The following ZP2 variants were observed in gnomAD, a reference collection of about 807,000 sequenced individuals.
ZP2 encodes zona pellucida glycoprotein 2.
A neutral mutation model predicts 84.0 loss-of-function variants in ZP2; 51 were observed. That is an observed-to-expected ratio of 0.61 (90% CI 0.49 to 0.77). The LOEUF is 0.77. Among genes scored for constraint, ZP2 ranks in the 30% least tolerant of loss-of-function variants. The pLI is 0.00. For missense variants in ZP2, 909 were observed against 911.9 expected, an observed-to-expected ratio of 1.00 and a Z score of 0.04; for synonymous variants, 375 against 330.9, an observed-to-expected ratio of 1.13 and a Z score of -1.45.
At chr16:21,199,475 A>C in intron 16 of ZP2, 95 bp downstream of exon 16, 1 of 1,128,178 alleles carries the variant, frequency 8.9e-7, no homozygotes, top group Non-Finnish European at 1.2e-6. Context: ...CAGTAAATAA[A>C]GTATGAGTTA....
At chr16:21,205,857 G>T in intron 5 of ZP2, 82 bp from the exon 6 acceptor site, 1 of 1,452,128 alleles carries the variant, frequency 6.9e-7, no homozygotes, top group Non-Finnish European at 9.6e-7. Flanking sequence ...CTGTGTGGTT[G>T]TCATACCAAA....
At position 21,202,002 on chromosome 16, in the gene ZP2, A is replaced by G; in HGVS notation, c.1309T>C (p.Tyr437His). Residue 437 changes from tyrosine to histidine, a missense_variant, in exon 12 of 19, where the codon TAT becomes CAT. Coordinates refer to ENST00000574091, the MANE Select transcript of ZP2 (RefSeq NM_001376232.1). ...CAGAGAGCATGTATTTCGTTTTCAT[A>G]GACGACTTTATCATCTTCGAACTTA... ...RYKFEDDKVVYENEIHALWTD... is the reference protein window; with the variant it reads ...RYKFEDDKVVHENEIHALWTD... The G allele has an allele frequency of 1.9e-6, 3 of 1,614,102 alleles. No homozygotes were observed. The highest frequency in any genetic ancestry group is 1.1e-5 in the South Asian group (1 of 91,054).
chr16:21,198,816 T>G lies in ZP2; in HGVS notation c.1974A>C (p.Gly658=). 1 of 1,614,092 alleles carries G rather than the reference T, an allele frequency of 6.2e-7. No individual in the cohort carries two copies. Among genetic ancestry groups the G allele is most frequent in the Non-Finnish European group, 8.5e-7 (1 of 1,179,998 alleles). Residue 658 remains glycine (G), a synonymous_variant, in exon 17 of 19, where the codon GGA becomes GGC. Coordinates refer to ENST00000574091, the MANE Select transcript of ZP2 (RefSeq NM_001376232.1). Reference sequence around the variant, plus strand: ...AGTCATCTGACAACAGGAGAATGGGTCCTGGGAGGCTGACTGTCATTTTCT... The same window carrying G: ...AGTCATCTGACAACAGGAGAATGGGGCCTGGGAGGCTGACTGTCATTTTCT... ...EAEKMTVSLP[G]PILLLSDDSS...
Position 21,204,374 on chromosome 16 carries a change from G to T in ZP2, c.724C>A (p.Leu242Met), listed in dbSNP as rs1447166856. The T allele has an allele frequency of 1.9e-6, 3 of 1,614,062 alleles. No individual in the cohort carries two copies. The highest frequency in any genetic ancestry group is 2.5e-6 in the Non-Finnish European group (3 of 1,179,944). ...CCAGGAGATATAAATGTAAGCTTCA[G>T]AGACACCATGTAGAGATGACTGTTA... ...QGNSHLYMVSLKLTFISPGQK... is the reference protein window; with the variant it reads ...QGNSHLYMVSMKLTFISPGQK... Residue 242 changes from leucine (L) to methionine (M), a missense_variant, in exon 8 of 19, where the codon CTG becomes ATG. Coordinates refer to ENST00000574091, the MANE Select transcript of ZP2 (RefSeq NM_001376232.1).
intron 4 of ZP2, among the ~76,000 whole-genome samples, chr16:21,207,966 T>C (rs1179008806): frequency 6.6e-6 from 1 of 151,824 alleles, no homozygotes; most frequent in African/African-American, 2.4e-5. Flanking sequence ...ATGCCTATAA[T>C]CCCAGTGCTT....
At position 21,206,913 on chromosome 16, in the gene ZP2, G is replaced by A; in HGVS notation, c.408C>T (p.Phe136=). 2 of 1,614,172 alleles carry A rather than the reference G, an allele frequency of 1.2e-6. No homozygotes were observed. Among genetic ancestry groups the A allele is most frequent in the Non-Finnish European group, 1.7e-6 (2 of 1,180,008 alleles). The change falls in exon 5 of 19, where the codon TTC becomes TTT. Residue 136 remains phenylalanine, a synonymous_variant. Coordinates refer to ENST00000574091, the MANE Select transcript of ZP2 (RefSeq NM_001376232.1). The part of the protein sequence containing the change: ...ALRHGAVMYQ[F]FCPAMQVEET... ...CTTCTACTTGCATAGCTGGACAGAA[G>A]AACTGATACATGACAGCTCCGTGTC...
At position 21,199,910 on chromosome 16, in the gene ZP2, T is replaced by C. The variant is rs563783538; in HGVS notation, c.1695-32A>G. 16 of 1,610,020 alleles carry C rather than the reference T, an allele frequency of 9.9e-6. No homozygotes were observed. In the East Asian group the frequency reaches 3.3e-4, roughly 34 times the overall value. Reference sequence around the variant, plus strand: ...GGTATGCACCAGGGAGGGATGTCAGTCATATGCATCTTGGAGTCAAATTCA... The same window carrying C: ...GGTATGCACCAGGGAGGGATGTCAGCCATATGCATCTTGGAGTCAAATTCA... On this transcript the variant is annotated intron_variant, in intron 14 of 18. Coordinates refer to ENST00000574091, the MANE Select transcript of ZP2 (RefSeq NM_001376232.1).
rs774420916 is a variant in ZP2 at position 21,204,391 on chromosome 16, T to A, written c.707A>T (p.His236Leu). ...AAGCTTCAGAGACACCATGTAGAGA[T>A]GACTGTTACCTTGCTAGGGGGAGAA... ...GVTHYVQGNS[H>L]LYMVSLKLTF... Residue 236 changes from histidine to leucine, a missense_variant, in exon 8 of 19, where the codon CAT becomes CTT. Coordinates refer to ENST00000574091, the MANE Select transcript of ZP2 (RefSeq NM_001376232.1). The A allele has an allele frequency of 1.9e-6, 3 of 1,613,856 alleles. No individual in the cohort carries two copies. Among genetic ancestry groups the A allele is most frequent in the Non-Finnish European group, 2.5e-6 (3 of 1,179,828 alleles).
At chr16:21,202,895 A>G (rs1391072766) in intron 10 of ZP2, among the ~76,000 whole-genome samples, 1 of 152,192 alleles carries the variant, frequency 6.6e-6, no homozygotes, top group South Asian at 2.1e-4. Flanking sequence ...CAAAATATCT[A>G]GATTGTTTAA....
chr16:21,214,003 C>T (rs773278413), upstream of ZP2, among the ~76,000 whole-genome samples: 17 of 151,916 alleles, frequency 1.1e-4, no homozygotes, highest in East Asian at 3.9e-4. Context: ...TCAGACCCCA[C>T]CTCCCTTCCC....
intron 2 of ZP2, 72 bp from the exon 3 acceptor site, chr16:21,210,264 C>T (rs2093268763): frequency 8.3e-7 from 1 of 1,200,472 alleles, no homozygotes; most frequent in Non-Finnish European, 1.2e-6. Context: ...TGTATAGACT[C>T]CTCTCAGATG....
At chr16:21,211,834 G>A, upstream of ZP2, 2 of 1,331,302 alleles carry the variant, frequency 1.5e-6, no homozygotes, top group Non-Finnish European at 2.0e-6. Context: ...GGGGAAATTA[G>A]GATCTTTTGG....
intron 4 of ZP2, among the ~76,000 whole-genome samples, chr16:21,207,309 T>C (rs1371195451): frequency 3.3e-5 from 5 of 152,128 alleles, no homozygotes; most frequent in Non-Finnish European, 7.3e-5. Context: ...TGAATACTTG[T>C]TAAGCACCTA....
upstream of ZP2, among the ~76,000 whole-genome samples, chr16:21,212,353 C>T (rs1597593185): frequency 6.6e-6 from 1 of 152,202 alleles, no homozygotes; most frequent in Non-Finnish European, 1.5e-5. Flanking sequence ...TTAAGCTTAC[C>T]GCAAAGATAC....
Position 21,203,161 on chromosome 16 carries a change from A to G in ZP2, c.1063T>C (p.Tyr355His). 1 of 1,614,012 alleles carries G rather than the reference A, an allele frequency of 6.2e-7. No homozygotes were observed. Among genetic ancestry groups the G allele is most frequent in the Non-Finnish European group, 8.5e-7 (1 of 1,179,926 alleles). The change falls in exon 10 of 19, where the codon TAT becomes CAT. Residue 355 changes from tyrosine (Y) to histidine (H), a missense_variant. Transcript: ENST00000574091. ...GGTGACTCACAGAGACACTCAGGAT[A>G]GATCACCATGGATACTGTCTCTGGC... ...LRPETVSMVI[Y>H]PECLCESPVS...
At chr16:21,203,749 A>G in intron 9 of ZP2, 1 of 493,248 alleles carries the variant, frequency 2.0e-6, no homozygotes, top group Non-Finnish European at 3.7e-6. Flanking sequence ...TTTGACAAGT[A>G]GTTGCTACTA....
At position 21,202,295 on chromosome 16, in the gene ZP2, G is replaced by A. The variant is rs1177666459; in HGVS notation, c.1100-4C>T. The A allele has an allele frequency of 6.7e-7, 1 of 1,499,132 alleles. No individual in the cohort carries two copies. Among genetic ancestry groups the A allele is most frequent in the African/African-American group, 1.4e-5 (1 of 71,076 alleles). 92.9% of individuals were successfully genotyped at this position (1,499,132 alleles called of 1,614,324 possible). ...TGGGTGCACAGCTCCCCTGTAACTA[G>A]ACAGCGGTGAAAGTTTAGAGAAAAT... On this transcript the variant is annotated splice_region_variant and splice_polypyrimidine_tract_variant and intron_variant, in intron 10 of 18. Coordinates refer to ENST00000574091, the MANE Select transcript of ZP2 (RefSeq NM_001376232.1).
In ZP2 at chr16:21,201,794, C is replaced by T. The variant is rs756528109; in HGVS notation, c.1416G>A (p.Met472Ile). The T allele has an allele frequency of 4.3e-6, 7 of 1,614,130 alleles. No individual in the cohort carries two copies. In the South Asian group the frequency reaches 7.7e-5, roughly 18 times the overall value. ...GGCTTTCAACGTTGATGTTTAGTAG[C>T]ATGTCATTCCTGCTATAAGAACACT... ...TVKCSYSRND[M>I]LLNINVESLT... The change falls in exon 13 of 19, where the codon ATG becomes ATA. Residue 472 changes from methionine (M) to isoleucine (I), a missense_variant. Transcript: ENST00000574091.
chr16:21,211,690 G>A (rs1285794421), upstream of ZP2: 1 of 1,549,094 alleles, frequency 6.5e-7, no homozygotes, highest in Non-Finnish European at 8.7e-7. Context: ...GGAAGGATTG[G>A]GGAAGGAAGT....
Sources: gnomAD v4.1 joint callset for allele counts (sites outside exome capture counted in the v4.1 genomes callset) on GRCh38, gnomAD v4.1.1 for gene constraint, MANE v1.5 for transcripts, NCBI Gene and HGNC (gene_info 2026-07-23, HGNC 2026-07-21) for gene names.